CABIN1: variants seen among roughly 807,000 people sequenced by gnomAD.
The protein encoded by CABIN1 is calcineurin-binding protein cabin-1.
A neutral mutation model predicts 227.7 loss-of-function variants in CABIN1; 133 were observed. The ratio of observed to expected loss-of-function variants is 0.58; its 90% CI spans 0.51 to 0.67. CABIN1 has a LOEUF of 0.67. CABIN1 is among the 30% of genes least tolerant of loss of function. The pLI, the probability that CABIN1 is intolerant of heterozygous loss-of-function variation, is 0.00. For synonymous variants in CABIN1, 1,086 were observed against 1,155.1 expected, an observed-to-expected ratio of 0.94 and a Z score of 1.21; for missense variants, 2,408 against 2,852.5, an observed-to-expected ratio of 0.84 and a Z score of 3.55.
Position 24,055,102 on chromosome 22 carries a change from G to C in CABIN1, c.1036G>C (p.Ala346Pro), listed in dbSNP as rs1358696115. 1 of 1,613,960 alleles carries C rather than the reference G, an allele frequency of 6.2e-7. No homozygotes were observed. The highest frequency in any genetic ancestry group is 1.7e-5 in the Admixed American group (1 of 60,012). ...AEPVVSYTSV[A>P]TTSFPLHSPG... The stretch of plus-strand genomic sequence containing the variant: ...GCCTGTGGTCTCCTACACCTCTGTG[G>C]CTACAACCAGCTTCCCACTGCACAG... Residue 346 changes from alanine to proline, a missense_variant, in exon 9 of 37, where the codon GCT becomes CCT. Transcript: ENST00000263119.
chr22:24,114,953 A>C (rs1335858578), intron 27 of CABIN1, among the ~76,000 whole-genome samples: 4 of 152,216 alleles, frequency 2.6e-5, no homozygotes, highest in Non-Finnish European at 2.9e-5. Flanking sequence ...GTCCTCATCA[A>C]GAGATGAGGC....
At chr22:24,156,199 A>G (rs991652708) in intron 29 of CABIN1, 13 of 389,368 alleles carry the variant, frequency 3.3e-5, no homozygotes, top group African/African-American at 1.0e-4. Flanking sequence ...CTTTTGCTCA[A>G]TCGTCCCCTG....
At chr22:24,065,222 G>A (rs1372802881) in intron 15 of CABIN1, among the ~76,000 whole-genome samples, 1 of 151,314 alleles carries the variant, frequency 6.6e-6, no homozygotes, top group Admixed American at 6.6e-5. Flanking sequence ...GGCGGCTGCC[G>A]GTTGGAGGGG....
At chr22:24,109,023 C>G (rs1243257935) in intron 26 of CABIN1, among the ~76,000 whole-genome samples, 3 of 152,140 alleles carry the variant, frequency 2.0e-5, no homozygotes, top group Non-Finnish European at 4.4e-5. Flanking sequence ...GTGTATTAAC[C>G]TAGTTAATCA....
chr22:24,147,329 TCTCCTCCCTCCCTCCC>T (rs2045200748), intron 29 of CABIN1, among the ~76,000 whole-genome samples: 1 of 46,608 alleles, frequency 2.1e-5, no homozygotes, highest in African/African-American at 8.2e-5. Flanking sequence ...CCCTCCCTCC[TCTCCTCCCTCCCTCCC>T]TGCCTCCCTC....
chr22:24,090,380 C>T (rs2041462684), intron 23 of CABIN1, among the ~76,000 whole-genome samples: 2 of 152,200 alleles, frequency 1.3e-5, no homozygotes. Context: ...TTGCCTTTTA[C>T]TTCAGCACAT....
Position 24,069,379 on chromosome 22 carries a change from T to A in CABIN1, c.2233-1421T>A, listed in dbSNP as rs561706272. On this transcript the variant is annotated intron_variant, in intron 16 of 36. Transcript: ENST00000263119. ...TCTGTCTGGCTTGTTTTATTGTGTT[T>A]GGGTAGATGATTGTGTTGCCCCCAG... is the stretch of plus-strand genomic sequence containing the variant. Among the ~76,000 whole-genome samples the A allele has an allele frequency of 3.9e-5, 6 of 152,318 alleles. No homozygotes were observed. The East Asian group carries it at 5.8e-4, about 15-fold the overall frequency.
At chr22:24,103,412 A>G (rs1333284580) in intron 26 of CABIN1, 1 of 152,270 alleles carries the variant, frequency 6.6e-6, no homozygotes, top group Non-Finnish European at 1.5e-5. Context: ...AATTGTGCAC[A>G]GTAGCCTTGA....
At chr22:24,019,399 G>T (rs2035546388) in intron 1 of CABIN1, among the ~76,000 whole-genome samples, 1 of 151,480 alleles carries the variant, frequency 6.6e-6, no homozygotes, top group African/African-American at 2.4e-5. Flanking sequence ...CAAAGTGCTG[G>T]GATTACAGGC....
chr22:24,084,697 A>G lies in CABIN1; in HGVS notation c.3029A>G (p.Lys1010Arg). 6.2e-7 allele frequency: 1 copy of G among 1,614,048 alleles called. No individual in the cohort carries two copies. Among genetic ancestry groups the G allele is most frequent in the Non-Finnish European group, 8.5e-7 (1 of 1,179,894 alleles). Residue 1010 changes from lysine to arginine, a missense_variant, in exon 21 of 37, where the codon AAG becomes AGG. Physicochemically the swap from Lys to Arg is conservative, Grantham distance 26 (BLOSUM62 2). Transcript: ENST00000263119. ...TCTGCTGACTTGGCCAACCTACTGA[A>G]GAGAATTGCCACCATTGTGCCTCGC... is the stretch of plus-strand genomic sequence containing the variant. ...TVSADLANLL[K>R]RIATIVPRTE... is the part of the protein sequence containing the mutation.
At chr22:24,150,942 A>G (rs915393128) in intron 29 of CABIN1, among the ~76,000 whole-genome samples, 2 of 152,150 alleles carry the variant, frequency 1.3e-5, no homozygotes, top group Non-Finnish European at 2.9e-5. Context: ...CTTTCTGGTC[A>G]CATCTCAAAT....
At position 24,166,838 on chromosome 22, in the gene CABIN1, A is replaced by G. The variant is rs751503428; in HGVS notation, c.5207A>G (p.Asp1736Gly). The G allele has an allele frequency of 6.2e-7, 1 of 1,612,906 alleles. No homozygotes were observed. ...GLLNHRPVAMDAGDSADQSGE... is the reference protein window; with the variant it reads ...GLLNHRPVAMGAGDSADQSGE... ...CTCAACCACCGGCCTGTGGCCATGG[A>G]TGCAGGAGACAGTGCAGACCAAAGC... is the stretch of plus-strand genomic sequence containing the variant. Residue 1736 changes from aspartate to glycine, a missense_variant, in exon 32 of 37, where the codon GAT becomes GGT. Around this residue, in one of 3 missense-constraint regions of CABIN1, gnomAD observed 714 missense variants for 773.8 expected, o/e 0.92. Coordinates refer to ENST00000263119, the MANE Select transcript of CABIN1 (RefSeq NM_012295.4).
intron 6 of CABIN1, 94 bp downstream of exon 6, chr22:24,043,178 A>G: frequency 9.2e-7 from 1 of 1,091,518 alleles, no homozygotes. Context: ...CAAAGTTAAC[A>G]CTGAAGGGGT....
chr22:24,169,695 C>T (rs969527428), intron 33 of CABIN1, among the ~76,000 whole-genome samples: 3 of 152,208 alleles, frequency 2.0e-5, no homozygotes, highest in Non-Finnish European at 4.4e-5. Context: ...CCCCTGCCTC[C>T]TCCACTGGCC....
chr22:24,050,081 T>C (rs529021532), intron 7 of CABIN1, among the ~76,000 whole-genome samples: 1 of 152,326 alleles, frequency 6.6e-6, no homozygotes, highest in East Asian at 1.9e-4. Context: ...TTTTGCCCTC[T>C]GGTCTTCCTT....
chr22:24,110,911 TTGG>T (rs980941402), intron 26 of CABIN1, among the ~76,000 whole-genome samples: 9 of 152,118 alleles, frequency 5.9e-5, no homozygotes, highest in African/African-American at 2.2e-4. Context: ...TTTCCCTTGC[TTGG>T]TGTTTTCTGA....
intron 1 of CABIN1, among the ~76,000 whole-genome samples, chr22:24,018,408 A>G (rs1471485891): frequency 1.3e-5 from 2 of 152,206 alleles, no homozygotes; most frequent in Admixed American, 6.5e-5. Context: ...AAGGTTAAAG[A>G]GGAATTCACC....
intron 15 of CABIN1, among the ~76,000 whole-genome samples, 170 bp downstream of exon 15, chr22:24,064,357 C>T (rs967160499): frequency 3.3e-5 from 5 of 152,138 alleles, no homozygotes; most frequent in African/African-American, 4.8e-5. Flanking sequence ...GGGTGCCCGC[C>T]GCCATGCCTG....
In CABIN1 at chr22:24,057,198, A is replaced by C. The variant is rs533044892; in HGVS notation, c.1262+838A>C. ...TAATCTGCCCGCCTCAACCTCCCAAAGTGCTGGGATTATAGGCATGAGCCA... is the reference window on the plus strand; with the variant it reads ...TAATCTGCCCGCCTCAACCTCCCAACGTGCTGGGATTATAGGCATGAGCCA... On this transcript the variant is annotated intron_variant, in intron 10 of 36. Coordinates refer to ENST00000263119, the MANE Select transcript of CABIN1 (RefSeq NM_012295.4). 9.2e-5 allele frequency among the ~76,000 whole-genome samples: 14 copies of C among 152,168 alleles called. No individual in the cohort carries two copies. The East Asian group carries it at 2.3e-3, about 25-fold the overall frequency.
Sources: gnomAD v4.1 joint callset for allele counts (sites outside exome capture counted in the v4.1 genomes callset) on GRCh38, gnomAD v4.1.1 for gene constraint, gnomAD v4.1.1 regional missense constraint, MANE v1.5 for transcripts, NCBI Gene and HGNC (gene_info 2026-07-23, HGNC 2026-07-21) for gene names.